LMO2: variants seen among roughly 807,000 people sequenced by gnomAD.
LMO2 encodes the protein LIM domain only 2, also known as rhombotin-2.
In LMO2, 20 loss-of-function variants were observed where a neutral mutation model predicts 23.2. The ratio of observed to expected loss-of-function variants is 0.86; its 90% CI spans 0.61 to 1.25. The LOEUF (loss-of-function observed/expected upper bound fraction) is 1.25. Ranked by LOEUF, LMO2 falls within the 50% of genes most tolerant of loss-of-function variation. The pLI, the probability that LMO2 is intolerant of heterozygous loss-of-function variation, is 0.00. For synonymous variants in LMO2, 123 were observed against 130.2 expected (o/e 0.94, Z 0.38); for missense variants, 270 against 315.3 (o/e 0.86, Z 1.09).
chr11:33,870,612 T>C, intron 2 of LMO2: 1 of 981,706 alleles, frequency 1.0e-6, no homozygotes, highest in South Asian at 4.7e-5. Context: ...GGAGGGTGGC[T>C]GGGAGGGACC....
Position 33,869,868 on chromosome 11 carries a change from G to T in LMO2, c.-152C>A. 5 of 1,054,288 alleles carry T rather than the reference G, an allele frequency of 4.7e-6. No individual in the cohort carries two copies. Among genetic ancestry groups the T allele is most frequent in the Non-Finnish European group, 5.7e-6 (5 of 874,870 alleles). 65.3% of individuals were successfully genotyped at this position (1,054,288 alleles called of 1,614,324 possible). On this transcript the variant is annotated 5_prime_UTR_variant, in exon 3 of 6. Transcript: ENST00000257818. ...CGCGCTGCTCGCCGCCGAGGGCAGA[G>T]AGGGGGCGGCGGCCTAGGGGCGGGG...
At chr11:33,879,915 G>A (rs1857223657) in intron 2 of LMO2, among the ~76,000 whole-genome samples, 1 of 152,024 alleles carries the variant, frequency 6.6e-6, no homozygotes, top group Admixed American at 6.5e-5. Context: ...AAATGGTGCA[G>A]GCATTATTGA....
intron 2 of LMO2, among the ~76,000 whole-genome samples, chr11:33,872,785 G>A (rs1857055159): frequency 6.6e-6 from 1 of 151,998 alleles, no homozygotes; most frequent in Non-Finnish European, 1.5e-5. Context: ...TTTTGAGATG[G>A]AGTCTCGCTC....
rs543262009 is a variant in LMO2 at position 33,869,989 on chromosome 11, T to C, written c.-271-2A>G. 3.6e-4 allele frequency: 368 copies of C among 1,016,652 alleles called. 1 individual carries two copies. The South Asian group carries it at 0.011, about 32-fold the overall frequency. 63.0% of individuals were successfully genotyped at this position (1,016,652 alleles called of 1,614,324 possible). The stretch of plus-strand genomic sequence containing the variant: ...GTCTCTGGTTTCATTTCCTTTTTCC[T>C]GATCACGATTCAAATACAATAGAAG... On this transcript the variant is annotated splice_acceptor_variant, in intron 2 of 5. Coordinates refer to ENST00000257818, the MANE Select transcript of LMO2 (RefSeq NM_005574.4). LOFTEE classifies it low-confidence loss of function (5UTR_SPLICE).
At chr11:33,863,437 A>G (rs1856655838) in intron 5 of LMO2, among the ~76,000 whole-genome samples, 1 of 152,124 alleles carries the variant, frequency 6.6e-6, no homozygotes, top group South Asian at 2.1e-4. Flanking sequence ...CTATAATGTA[A>G]AATGCTCTGA....
At chr11:33,872,839 C>T (rs1047145305) in intron 2 of LMO2, among the ~76,000 whole-genome samples, 1 of 152,172 alleles carries the variant, frequency 6.6e-6, no homozygotes, top group Non-Finnish European at 1.5e-5. Context: ...CAGCTCACTG[C>T]AACCTCTGCC....
intron 2 of LMO2, chr11:33,870,455 G>T: frequency 1.0e-6 from 1 of 986,162 alleles, no homozygotes; most frequent in South Asian, 4.7e-5. Flanking sequence ...GCGGGCTGCG[G>T]GCTACGGGCT....
At chr11:33,868,905 G>A (rs1361464387) in intron 4 of LMO2, among the ~76,000 whole-genome samples, 2 of 152,224 alleles carry the variant, frequency 1.3e-5, no homozygotes, top group Non-Finnish European at 1.5e-5. Context: ...TGGGGACCCC[G>A]GAGGCCGCCA....
At chr11:33,860,141 C>T (rs551926323) in intron 5 of LMO2, among the ~76,000 whole-genome samples, 4 of 152,296 alleles carry the variant, frequency 2.6e-5, no homozygotes, top group African/African-American at 7.2e-5. Flanking sequence ...CGCTGGGGCC[C>T]CAGCTGCTGG....
At chr11:33,867,294 G>A (rs1011794430) in intron 4 of LMO2, among the ~76,000 whole-genome samples, 12 of 152,166 alleles carry the variant, frequency 7.9e-5, no homozygotes, top group Non-Finnish European at 1.8e-4. Context: ...CTGGATTTGA[G>A]GAAGTACACA....
chr11:33,877,871 C>CA (rs3837371), intron 2 of LMO2, among the ~76,000 whole-genome samples: 97,956 of 149,968 alleles, frequency 0.65, 32,808 homozygotes, highest in South Asian at 0.81. Context: ...TATCCTTTGG[C>CA]AAAAAAAAAC....
At position 33,880,203 on chromosome 11, in the gene LMO2, T is replaced by TGATATATATATCATATATACACAG. The variant is rs1857236643; in HGVS notation, c.-272+1620_-272+1621insCTGTGTATATATGATATATATATC. 1.4e-5 allele frequency among the ~76,000 whole-genome samples: 2 copies of TGATATATATATCATATATACACAG among 147,700 alleles called. No individual in the cohort carries two copies. Among genetic ancestry groups the TGATATATATATCATATATACACAG allele is most frequent in the Middle Eastern group, 3.6e-3 (1 of 280 alleles). ...ATGATATATATATCATATATACACA[T>TGATATATATATCATATATACACAG]GATATATATATCATATATACACATG... On this transcript the variant is annotated intron_variant, in intron 2 of 5. Coordinates refer to ENST00000257818, the MANE Select transcript of LMO2 (RefSeq NM_005574.4). This position sits in a 1 kb window ranked among gnomAD's most constrained non-coding sequence, Gnocchi z 4.3.
At chr11:33,867,344 TA>T (rs1856825215) in intron 4 of LMO2, among the ~76,000 whole-genome samples, 2 of 152,160 alleles carry the variant, frequency 1.3e-5, no homozygotes, top group Non-Finnish European at 2.9e-5. Context: ...AGGAGGAATG[TA>T]AAGTAAAAGA....
chr11:33,884,458 T>C (rs1857358810), intron 1 of LMO2, among the ~76,000 whole-genome samples: 1 of 152,128 alleles, frequency 6.6e-6, no homozygotes, highest in Non-Finnish European at 1.5e-5. Flanking sequence ...TGTTAACTAT[T>C]TGGACAAATG....
chr11:33,880,132 C>T lies in LMO2; in HGVS notation c.-272+1692G>A, dbSNP rs769726604. ...CAGATGGATTTTTTAAAGTGATATA[C>T]GCATACTATTTTATGTGTACATATA... On this transcript the variant is annotated intron_variant, in intron 2 of 5. Transcript: ENST00000257818. This position sits in a 1 kb window ranked among gnomAD's most constrained non-coding sequence, Gnocchi z 4.3. 8.7e-5 allele frequency among the ~76,000 whole-genome samples: 12 copies of T among 138,672 alleles called. No homozygotes were observed. The highest frequency in any genetic ancestry group is 1.1e-4 in the Non-Finnish European group (7 of 64,646). 91.0% of individuals were successfully genotyped at this position (138,672 alleles called of 152,430 possible).
intron 4 of LMO2, among the ~76,000 whole-genome samples, chr11:33,868,231 A>G (rs1856857222): frequency 6.6e-6 from 1 of 152,230 alleles, no homozygotes; most frequent in African/African-American, 2.4e-5. Flanking sequence ...AATAAACACC[A>G]TAGAAAGCCG....
Position 33,880,273 on chromosome 11 carries a change from C to CATGATATATATATATCATACATACAT in LMO2, c.-272+1550_-272+1551insATGTATGTATGATATATATATATCAT, listed in dbSNP as rs1565034775. 8.6e-4 allele frequency among the ~76,000 whole-genome samples: 98 copies of CATGATATATATATATCATACATACAT among 113,362 alleles called. 8 individuals are homozygous for CATGATATATATATATCATACATACAT. Among genetic ancestry groups the CATGATATATATATATCATACATACAT allele is most frequent in the Admixed American group, 3.0e-3 (38 of 12,462 alleles). 74.4% of individuals were successfully genotyped at this position (113,362 alleles called of 152,430 possible). On this transcript the variant is annotated intron_variant, in intron 2 of 5. Coordinates refer to ENST00000257818, the MANE Select transcript of LMO2 (RefSeq NM_005574.4). The surrounding 1 kb of genome is among the most constrained non-coding windows in gnomAD (Gnocchi z 4.3). ...ACATGATATATATATCATACATACA[C>CATGATATATATATATCATACATACAT]ATGATATATATCATATATATCATAT...
intron 1 of LMO2, among the ~76,000 whole-genome samples, chr11:33,891,557 C>T (rs1565040219): frequency 3.3e-5 from 5 of 152,106 alleles, no homozygotes; most frequent in African/African-American, 2.4e-5. Flanking sequence ...ACACAGCAAG[C>T]GCCTGACTCA....
intron 2 of LMO2, among the ~76,000 whole-genome samples, chr11:33,874,526 A>G (rs1314841857): frequency 1.3e-5 from 2 of 152,246 alleles, no homozygotes; most frequent in Non-Finnish European, 2.9e-5. Flanking sequence ...GTATAAAAAT[A>G]CTTTGCACAG....
Sources: allele counts gnomAD v4.1 joint callset (sites outside exome capture counted in the v4.1 genomes callset), GRCh38; gene constraint gnomAD v4.1.1; non-coding constraint Gnocchi (gnomAD v3.1); transcripts MANE v1.5; gene names NCBI Gene and HGNC (gene_info 2026-07-23, HGNC 2026-07-21).